Variants in PTPRN2 observed in about 807,000 individuals in gnomAD.
PTPRN2 encodes receptor-type tyrosine-protein phosphatase N2.
A neutral mutation model predicts 118.8 loss-of-function variants in PTPRN2; 74 were observed. The observed-to-expected ratio is 0.62, with a 90% CI of 0.52 to 0.76. The LOEUF (loss-of-function observed/expected upper bound fraction) is 0.76. Among genes scored for constraint, PTPRN2 ranks in the 30% least tolerant of loss-of-function variants. The pLI is 0.00. For synonymous variants in PTPRN2, 641 were observed against 608.0 expected, an observed-to-expected ratio of 1.05 and a Z score of -0.80; for missense variants, 1,481 against 1,394.4, an observed-to-expected ratio of 1.06 and a Z score of -0.99.
intron 6 of PTPRN2, among the ~76,000 whole-genome samples, chr7:158,149,745 G>C (rs928062422): frequency 1.3e-5 from 2 of 151,596 alleles, no homozygotes; most frequent in African/African-American, 2.4e-5. Context: ...CGGAGGTTGC[G>C]GTGAGCTGAG....
intron 3 of PTPRN2, among the ~76,000 whole-genome samples, chr7:158,298,954 T>A (rs1435520984): frequency 6.6e-6 from 1 of 152,162 alleles, no homozygotes; most frequent in Non-Finnish European, 1.5e-5. Flanking sequence ...TGACAGCCAC[T>A]GCCGATTGTC....
intron 12 of PTPRN2, chr7:157,740,215 A>G (rs1421292375): frequency 1.3e-5 from 2 of 152,210 alleles, no homozygotes; most frequent in Non-Finnish European, 2.9e-5. Flanking sequence ...CAGATTTGTT[A>G]TTATGTATAC....
chr7:158,203,809 A>C (rs1044592013), intron 4 of PTPRN2, among the ~76,000 whole-genome samples: 1 of 152,244 alleles, frequency 6.6e-6, no homozygotes, highest in African/African-American at 2.4e-5. Flanking sequence ...CTCAAGTTGA[A>C]AACATTTTGG....
chr7:158,095,324 G>A (rs1282389622), intron 10 of PTPRN2, among the ~76,000 whole-genome samples: 1 of 151,394 alleles, frequency 6.6e-6, no homozygotes. Context: ...ACAGTGTTTG[G>A]TGTCATTTCT....
intron 2 of PTPRN2, among the ~76,000 whole-genome samples, chr7:158,332,788 G>T (rs1804759638): frequency 1.3e-5 from 2 of 149,812 alleles, no homozygotes; most frequent in Non-Finnish European, 2.9e-5. Flanking sequence ...CACCATAAGA[G>T]CTGATGCCTG....
chr7:157,988,539 A>G (rs1803996420), intron 11 of PTPRN2, among the ~76,000 whole-genome samples: 1 of 152,234 alleles, frequency 6.6e-6, no homozygotes, highest in Non-Finnish European at 1.5e-5. Context: ...ACATCAGAAC[A>G]GTGATGAATC....
At position 157,590,386 on chromosome 7, in the gene PTPRN2, G is replaced by A. The variant is rs143343996; in HGVS notation, c.2496+4852C>T. 9.4e-4 allele frequency among the ~76,000 whole-genome samples: 143 copies of A among 152,328 alleles called. 1 individual carries two copies. Among genetic ancestry groups the A allele is most frequent in the South Asian group, 7.5e-3 (36 of 4,824 alleles). ...TGGAGTAAGGACCAGGAATTCAGCC[G>A]AATGATTTGGAGAGCACTCACAGAC... is the stretch of plus-strand genomic sequence containing the variant. On this transcript the variant is annotated intron_variant, in intron 17 of 22. Coordinates refer to ENST00000389418, the MANE Select transcript of PTPRN2 (RefSeq NM_002847.5). This position sits in a 1 kb window ranked among gnomAD's most constrained non-coding sequence, Gnocchi z 4.0.
chr7:158,520,723 T>C (rs1389024763), intron 1 of PTPRN2, among the ~76,000 whole-genome samples: 1 of 152,134 alleles, frequency 6.6e-6, no homozygotes, highest in Non-Finnish European at 1.5e-5. Context: ...ATATTACCAA[T>C]AGAAACAAAC....
chr7:157,747,830 AGCTTTGGGCTGTCCGGGTGAT>A, intron 12 of PTPRN2, among the ~76,000 whole-genome samples: 2 of 128,376 alleles, frequency 1.6e-5, no homozygotes, highest in African/African-American at 3.2e-5. Flanking sequence ...TGCGTCCCTG[AGCTTTGGGCTGTCCGGGTGAT>A]TCTGAGGCCT....
At chr7:158,004,236 C>T (rs1805490633) in intron 11 of PTPRN2, among the ~76,000 whole-genome samples, 1 of 152,180 alleles carries the variant, frequency 6.6e-6, no homozygotes, top group African/African-American at 2.4e-5. Flanking sequence ...CCATCCTAGC[C>T]TCCTCCCATC....
At chr7:157,951,980 C>T (rs960557738) in intron 11 of PTPRN2, among the ~76,000 whole-genome samples, 2 of 152,234 alleles carry the variant, frequency 1.3e-5, no homozygotes, top group Non-Finnish European at 2.9e-5. Context: ...CTGATGCCCC[C>T]TCACGTCTCC....
In PTPRN2 at chr7:158,581,308, G is replaced by A. The variant is rs555378078; in HGVS notation, c.112+6250C>T. The stretch of plus-strand genomic sequence containing the variant: ...AAATTGAAGATAGAAATACCTATGC[G>A]GGTTATTCTGGGGAATACATGTCAG... On this transcript the variant is annotated intron_variant, in intron 1 of 22. Transcript: ENST00000389418. 7.9e-5 allele frequency among the ~76,000 whole-genome samples: 12 copies of A among 152,164 alleles called. No homozygotes were observed. In the South Asian group the frequency reaches 8.3e-4, roughly 11 times the overall value.
intron 2 of PTPRN2, among the ~76,000 whole-genome samples, chr7:158,381,259 C>T (rs937930325): frequency 4.6e-5 from 7 of 152,198 alleles, no homozygotes; most frequent in South Asian, 2.1e-4. Context: ...ATTTTCTGAA[C>T]TTTTATGCTC....
chr7:158,147,471 T>C (rs867360027), intron 6 of PTPRN2, among the ~76,000 whole-genome samples: 4 of 39,440 alleles, frequency 1.0e-4, no homozygotes, highest in Non-Finnish European at 8.5e-5. Context: ...TCACACCACG[T>C]GTCTTTCCCC....
Position 157,615,551 on chromosome 7 carries a change from A to G in PTPRN2, c.2344+5811T>C, listed in dbSNP as rs1412680071. ...ATCGCAAGGCCGGGCCGTGGAAACAATCTCAGCCCTGGAACCAGCGCCTGG... is the reference window on the plus strand; with the variant it reads ...ATCGCAAGGCCGGGCCGTGGAAACAGTCTCAGCCCTGGAACCAGCGCCTGG... On this transcript the variant is annotated intron_variant, in intron 15 of 22. Transcript: ENST00000389418. This position sits in a 1 kb window ranked among gnomAD's most constrained non-coding sequence, Gnocchi z 4.3. 1 of 471,232 alleles carries G rather than the reference A, an allele frequency of 2.1e-6. No homozygotes were observed. Among genetic ancestry groups the G allele is most frequent in the Non-Finnish European group, 4.4e-6 (1 of 227,062 alleles). The allele number at this position is 471,232 out of a possible 1,614,324, so 29.2% of individuals were successfully genotyped here.
At chr7:157,911,964 C>A (rs574507748) in intron 11 of PTPRN2, among the ~76,000 whole-genome samples, 3 of 152,140 alleles carry the variant, frequency 2.0e-5, no homozygotes, top group African/African-American at 7.2e-5. Flanking sequence ...TGGAGCATCA[C>A]GCTTTATTTT....
chr7:157,956,546 C>T (rs1458571763), intron 11 of PTPRN2, among the ~76,000 whole-genome samples: 1 of 152,262 alleles, frequency 6.6e-6, no homozygotes, highest in Non-Finnish European at 1.5e-5. Context: ...CTCTTTGGGT[C>T]TACCAGTTGC....
chr7:158,151,522 C>CCTTTCTATTCCT (rs1821152683), intron 6 of PTPRN2, among the ~76,000 whole-genome samples: 1 of 151,744 alleles, frequency 6.6e-6, no homozygotes, highest in African/African-American at 2.4e-5. Flanking sequence ...CCTCACCGCA[C>CCTTTCTATTCCT]GTCCTACTCC....
chr7:157,645,024 C>T (rs1305031503), intron 14 of PTPRN2, among the ~76,000 whole-genome samples: 2 of 152,304 alleles, frequency 1.3e-5, no homozygotes, highest in Non-Finnish European at 2.9e-5. Context: ...CCTAATTAAT[C>T]GATATCACTG....
Sources: gnomAD v4.1 joint callset for allele counts (sites outside exome capture counted in the v4.1 genomes callset) on GRCh38, gnomAD v4.1.1 for gene constraint, Gnocchi (gnomAD v3.1) non-coding constraint, MANE v1.5 for transcripts, NCBI Gene and HGNC (gene_info 2026-07-23, HGNC 2026-07-21) for gene names.